RSPH1: variants seen among roughly 807,000 people sequenced by gnomAD.
RSPH1 encodes the protein radial spoke head component 1.
RSPH1 carries 32 observed loss-of-function variants against 44.2 expected under a neutral mutation model. The ratio of observed to expected loss-of-function variants is 0.72; its 90% CI spans 0.55 to 0.97. The LOEUF is 0.97. Ranked by LOEUF, RSPH1 falls within the 50% of genes least tolerant of loss-of-function variation. The probability of loss-of-function intolerance (pLI) is 0.00; values close to 1 mark genes in which losing one functional copy is unlikely to be tolerated. For synonymous variants in RSPH1, 134 were observed against 147.3 expected, an observed-to-expected ratio of 0.91 and a Z score of 0.65; for missense variants, 391 against 398.7, an observed-to-expected ratio of 0.98 and a Z score of 0.16.
chr21:42,479,726 T>TACACACACACACAC (rs141751119), intron 6 of RSPH1, among the ~76,000 whole-genome samples: 1 of 145,152 alleles, frequency 6.9e-6, no homozygotes, highest in Non-Finnish European at 1.5e-5. Flanking sequence ...TGTAGGAGGT[T>TACACACACACACAC]ACACACACAC....
intron 4 of RSPH1, chr21:42,486,119 A>G: frequency 3.5e-6 from 2 of 566,138 alleles, no homozygotes; most frequent in Non-Finnish European, 3.2e-6. Flanking sequence ...TGTGCCCTCC[A>G]CTCCCTGGGA....
intron 3 of RSPH1, among the ~76,000 whole-genome samples, chr21:42,486,772 T>A (rs987008159): frequency 6.6e-6 from 1 of 151,702 alleles, no homozygotes; most frequent in Non-Finnish European, 1.5e-5. Context: ...GGGTACAGAG[T>A]GAGGTGTATG....
At position 42,486,458 on chromosome 21, in the gene RSPH1, T is replaced by C. The variant is rs1219971736; in HGVS notation, c.278A>G (p.Glu93Gly). ...GCCGTGCCGCAGGTCATTTGCCCAC[T>C]CTCCTGAAAGGAACAACACAAAGGC... ...IYPDGSRYEG[E>G]WANDLRHGHG... The change falls in exon 4 of 9, where the codon GAG becomes GGG. Residue 93 changes from glutamate to glycine, a missense_variant. Glu to Gly is a moderately conservative substitution (Grantham distance 98). Coordinates refer to ENST00000291536, the MANE Select transcript of RSPH1 (RefSeq NM_080860.4). 2 of 1,613,026 alleles carry C rather than the reference T, an allele frequency of 1.2e-6. No individual in the cohort carries two copies. The highest frequency in any genetic ancestry group is 1.1e-5 in the South Asian group (1 of 91,046).
intron 6 of RSPH1, among the ~76,000 whole-genome samples, chr21:42,482,039 T>C (rs2054133301): frequency 6.6e-6 from 1 of 152,170 alleles, no homozygotes; most frequent in Admixed American, 6.5e-5. Context: ...GACCTAACAC[T>C]GTCTAGAACC....
At chr21:42,479,601 C>G (rs1231076238) in intron 6 of RSPH1, among the ~76,000 whole-genome samples, 2 of 152,140 alleles carry the variant, frequency 1.3e-5, no homozygotes, top group Admixed American at 6.5e-5. Flanking sequence ...TAGGTTCCTT[C>G]AGGGAACAGA....
chr21:42,479,009 T>C (rs1017510473), intron 6 of RSPH1, among the ~76,000 whole-genome samples: 1 of 152,234 alleles, frequency 6.6e-6, no homozygotes, highest in African/African-American at 2.4e-5. Flanking sequence ...ACAGAGTTTC[T>C]GTCTGGGATA....
intron 5 of RSPH1, 165 bp downstream of exon 5, chr21:42,485,504 T>A (rs2054170232): frequency 2.8e-6 from 2 of 721,804 alleles, no homozygotes; most frequent in African/African-American, 3.6e-5. Context: ...GCTCTGTGGG[T>A]ACCAGAGGCT....
At chr21:42,490,673 C>G (rs190519143) in intron 3 of RSPH1, among the ~76,000 whole-genome samples, 1 of 152,274 alleles carries the variant, frequency 6.6e-6, no homozygotes, top group East Asian at 1.9e-4. Flanking sequence ...ATTCATGGTT[C>G]CCAGCACAGA....
intron 3 of RSPH1, among the ~76,000 whole-genome samples, chr21:42,492,422 G>C (rs1461067675): frequency 6.6e-6 from 1 of 152,212 alleles, no homozygotes; most frequent in Admixed American, 6.5e-5. Context: ...GACAGGTTCA[G>C]GAAGATGAAT....
Position 42,493,002 on chromosome 21 carries a change from G to T in RSPH1, c.132C>A (p.Tyr44Ter), listed in dbSNP as rs772915587. 1 of 1,614,142 alleles carries T rather than the reference G, an allele frequency of 6.2e-7. No homozygotes were observed. Among genetic ancestry groups the T allele is most frequent in the South Asian group, 1.1e-5 (1 of 91,080 alleles). The change falls in exon 2 of 9, where the codon TAC becomes TAA. Residue 44 changes from tyrosine (Y) to a stop codon, truncating the protein, a stop_gained. Coordinates refer to ENST00000291536, the MANE Select transcript of RSPH1 (RefSeq NM_080860.4). LOFTEE classifies it high-confidence loss of function. ...TTTTACCGAATTCGTAGCTCCCTTC[G>T]TAGGTGTCCCCGTTGGGTAGCCGTG... Reference protein sequence around the residue: ...GRARLPNGDTYEGSYEFGKRH... With the variant: ...GRARLPNGDT
Position 42,472,711 on chromosome 21 carries a change from C to T in RSPH1, c.*107G>A, listed in dbSNP as rs370123986. 2.4e-6 allele frequency: 2 copies of T among 827,126 alleles called. No individual in the cohort carries two copies. Among genetic ancestry groups the T allele is most frequent in the Non-Finnish European group, 2.0e-6 (1 of 510,954 alleles). 51.2% of individuals were successfully genotyped at this position (827,126 alleles called of 1,614,324 possible). A position where few individuals can be genotyped will look rare whatever the true frequency, so the allele number is the denominator to read the frequency against. On this transcript the variant is annotated 3_prime_UTR_variant, in exon 9 of 9. Transcript: ENST00000291536. ...TGCCACTTTCTGGACTCAAGCAATC[C>T]TCCTGCCTCAGCCTCTCAAGTAGCT...
At position 42,485,687 on chromosome 21, in the gene RSPH1, G is replaced by T. The variant is rs371312378; in HGVS notation, c.483C>A (p.Gly161=). 6.6e-5 allele frequency: 106 copies of T among 1,614,092 alleles called. No individual in the cohort carries two copies. The highest frequency in any genetic ancestry group is 1.6e-4 in the Middle Eastern group (1 of 6,084). ...GACTTACATTTTTGTTCAAGAACTT[G>T]CCCTGGTACCTGTGGTTCAGGTGAA... The part of the protein sequence containing the change: ...ELIHLNHRYQ[G]KFLNKNPVGP... The change falls in exon 5 of 9, where the codon GGC becomes GGA. Residue 161 remains glycine, a synonymous_variant. Transcript: ENST00000291536.
At chr21:42,478,120 T>A (rs2054088927) in intron 6 of RSPH1, among the ~76,000 whole-genome samples, 1 of 152,230 alleles carries the variant, frequency 6.6e-6, no homozygotes, top group Non-Finnish European at 1.5e-5. Flanking sequence ...CCGACAATGG[T>A]GAGCAGCCAA....
At chr21:42,478,931 G>T (rs754461762) in intron 6 of RSPH1, among the ~76,000 whole-genome samples, 1 of 152,182 alleles carries the variant, frequency 6.6e-6, no homozygotes, top group Non-Finnish European at 1.5e-5. Context: ...AATTCATAGA[G>T]AAAGAAAGTA....
intron 8 of RSPH1, among the ~76,000 whole-genome samples, chr21:42,475,638 G>A (rs1206735634): frequency 6.8e-6 from 1 of 146,048 alleles, no homozygotes; most frequent in Admixed American, 7.1e-5. Context: ...CTCCAGCCTG[G>A]GGTCGGTCCT....
chr21:42,490,072 GCATCAGTA>G (rs1050065679), intron 3 of RSPH1, among the ~76,000 whole-genome samples: 6 of 151,840 alleles, frequency 4.0e-5, no homozygotes, highest in African/African-American at 1.5e-4. Context: ...CCAACCCTCA[GCATCAGTA>G]CATGGGGTCT....
Position 42,486,377 on chromosome 21 carries a change from T to C in RSPH1, c.359A>G (p.His120Arg). Residue 120 changes from histidine to arginine, a missense_variant, in exon 4 of 9, where the codon CAT becomes CGT. Coordinates refer to ENST00000291536, the MANE Select transcript of RSPH1 (RefSeq NM_080860.4). ...NDTYTGEWFA[H>R]QRHGQGTYLY... is the part of the protein sequence containing the mutation. ...CCCAAGATAGAAACCGAACCTTTGATGAGCAAACCACTCTCCAGTGTAGGT... is the reference window on the plus strand; with the variant it reads ...CCCAAGATAGAAACCGAACCTTTGACGAGCAAACCACTCTCCAGTGTAGGT... 6.2e-7 allele frequency: 1 copy of C among 1,612,624 alleles called. No individual in the cohort carries two copies. The highest frequency in any genetic ancestry group is 8.5e-7 in the Non-Finnish European group (1 of 1,178,576).
intron 5 of RSPH1, 197 bp downstream of exon 5, chr21:42,485,472 C>T: frequency 1.6e-6 from 1 of 612,118 alleles, no homozygotes. Flanking sequence ...ACGGGCCAAT[C>T]CCTCCCTTCC....
At chr21:42,473,804 C>G (rs911442775) in intron 8 of RSPH1, among the ~76,000 whole-genome samples, 2 of 152,188 alleles carry the variant, frequency 1.3e-5, no homozygotes, top group African/African-American at 4.8e-5. Context: ...CTGTGCCCTG[C>G]AGGGTATTCA....
Sources: gnomAD v4.1 joint callset for allele counts (sites outside exome capture counted in the v4.1 genomes callset) on GRCh38, gnomAD v4.1.1 for gene constraint, MANE v1.5 for transcripts, NCBI Gene and HGNC (gene_info 2026-07-23, HGNC 2026-07-21) for gene names.